MAD2L1: variants seen among roughly 807,000 people sequenced by gnomAD.
MAD2L1 encodes the protein mitotic arrest deficient 2 like 1, also known as mitotic spindle assembly checkpoint protein MAD2A.
MAD2L1 carries 10 observed loss-of-function variants against 25.9 expected under a neutral mutation model. The ratio of observed to expected loss-of-function variants is 0.39; its 90% CI spans 0.24 to 0.66. MAD2L1 has a LOEUF of 0.66. Ranked by LOEUF, MAD2L1 falls within the 30% of genes least tolerant of loss-of-function variation. MAD2L1 has a pLI of 0.49. For synonymous variants in MAD2L1, 81 were observed against 91.8 expected (o/e 0.88, Z 0.67); for missense variants, 180 against 246.4 (o/e 0.73, Z 1.80).
chr4:120,062,155 T>C lies in MAD2L1; in HGVS notation c.221-60A>G, dbSNP rs181018609. 116 of 1,521,808 alleles carry C rather than the reference T, an allele frequency of 7.6e-5. No homozygotes were observed. In the African/African-American group the frequency reaches 1.5e-3, roughly 20 times the overall value. 94.3% of individuals were successfully genotyped at this position (1,521,808 alleles called of 1,614,324 possible). A position where few individuals can be genotyped will look rare whatever the true frequency, so the allele number is the denominator to read the frequency against. ...TCCACTGCATCATAAAGTAGCTCTC[T>C]TCTCGGGTCCCACTCCCTATCCTCA... On this transcript the variant is annotated intron_variant, in intron 2 of 4. Transcript: ENST00000296509.
intron 4 of MAD2L1, among the ~76,000 whole-genome samples, chr4:120,060,570 G>A (rs1726196504): frequency 6.6e-6 from 1 of 151,988 alleles, no homozygotes; most frequent in Non-Finnish European, 1.5e-5. Flanking sequence ...TGTTATAATT[G>A]TTCCAGTTTA....
At position 120,059,868 on chromosome 4, in the gene MAD2L1, C is replaced by T. The variant is rs1368867102; in HGVS notation, c.*250G>A. On this transcript the variant is annotated 3_prime_UTR_variant, in exon 5 of 5. Transcript: ENST00000296509. ...ACTATCTTCAAAGGAATATACATCA[C>T]AATGTTGACAAAAAAACCTCCTGGT... 3.1e-6 allele frequency: 1 copy of T among 326,594 alleles called. No homozygotes were observed. Among genetic ancestry groups the T allele is most frequent in the Non-Finnish European group, 5.6e-6 (1 of 177,896 alleles). The allele number at this position is 326,594 out of a possible 1,614,324, so 20.2% of individuals were successfully genotyped here.
chr4:120,061,923 C>T (rs1014077445), intron 3 of MAD2L1, 52 bp downstream of exon 3: 3 of 1,371,232 alleles, frequency 2.2e-6, no homozygotes, highest in Non-Finnish European at 2.8e-6. Context: ...GTAATAAAAA[C>T]AAGTTTTGAA....
At chr4:120,066,518 C>T in intron 1 of MAD2L1, 144 bp downstream of exon 1, 1 of 667,180 alleles carries the variant, frequency 1.5e-6, no homozygotes, top group Non-Finnish European at 2.5e-6. Context: ...AGGCCTGCAG[C>T]TCCACGTTAG....
chr4:120,065,375 A>T (rs1726297257), intron 2 of MAD2L1: 2 of 250,652 alleles, frequency 8.0e-6, no homozygotes, highest in Admixed American at 9.7e-5. Flanking sequence ...CATTATAATT[A>T]TGTAAAATTC....
At chr4:120,064,099 G>T (rs767042287) in intron 2 of MAD2L1, among the ~76,000 whole-genome samples, 1 of 152,178 alleles carries the variant, frequency 6.6e-6, no homozygotes, top group Non-Finnish European at 1.5e-5. Context: ...AAGGTGAAAT[G>T]TCATTAACGC....
chr4:120,066,220 G>T (rs1262370914), intron 1 of MAD2L1, among the ~76,000 whole-genome samples: 2 of 152,002 alleles, frequency 1.3e-5, no homozygotes, highest in African/African-American at 4.8e-5. Context: ...CCCAAATCCT[G>T]CCAGGTTCCT....
Position 120,058,749 on chromosome 4 carries a change from T to G in MAD2L1, c.*1369A>C, listed in dbSNP as rs903604054. The G allele has an allele frequency of 6.6e-6, 1 of 152,204 alleles. No individual in the cohort carries two copies. Among genetic ancestry groups the G allele is most frequent in the South Asian group, 2.1e-4 (1 of 4,838 alleles). 9.4% of individuals were successfully genotyped at this position (152,204 alleles called of 1,614,324 possible). ...AGGTTGGTAACACCAGTGGTCCACT[T>G]ATTCCATAAAGATATGAAGAGTCTA... On this transcript the variant is annotated 3_prime_UTR_variant, in exon 5 of 5. Transcript: ENST00000296509.
rs751890672 is a variant in MAD2L1, at chr4:120,060,318, A to G, written c.446-28T>C. 2.6e-6 allele frequency: 4 copies of G among 1,533,224 alleles called. No individual in the cohort carries two copies. In the Admixed American group the frequency reaches 5.4e-5, roughly 21 times the overall value. The allele number at this position is 1,533,224 out of a possible 1,614,324, so 95.0% of individuals were successfully genotyped here. ...AAATTGGGGATAAGATCATTGAAGT[A>G]TATTATTTTCTAAAAGTAAAACTAA... is the stretch of plus-strand genomic sequence containing the variant. On this transcript the variant is annotated intron_variant, in intron 4 of 4. Transcript: ENST00000296509.
intron 2 of MAD2L1, among the ~76,000 whole-genome samples, chr4:120,064,183 A>C (rs1166315362): frequency 6.6e-6 from 1 of 152,166 alleles, no homozygotes; most frequent in Admixed American, 6.6e-5. Flanking sequence ...AGATAAAAAC[A>C]CACATCCATA....
chr4:120,058,320 T>C lies in MAD2L1; in HGVS notation c.*1798A>G, dbSNP rs940184424. The C allele has an allele frequency of 6.6e-6, 1 of 152,016 alleles. No homozygotes were observed. Among genetic ancestry groups the C allele is most frequent in the African/African-American group, 2.4e-5 (1 of 41,404 alleles). The allele number at this position is 152,016 out of a possible 1,614,324, so 9.4% of individuals were successfully genotyped here. ...GGTAGCTGAGTTGAAATGACCAGAG[T>C]ATACACACAACCTTTAAAAATGTGA... On this transcript the variant is annotated 3_prime_UTR_variant, in exon 5 of 5. Transcript: ENST00000296509.
In MAD2L1 at chr4:120,060,302, A is replaced by G; in HGVS notation, c.446-12T>C. 1 of 1,596,450 alleles carries G rather than the reference A, an allele frequency of 6.3e-7. No homozygotes were observed. On this transcript the variant is annotated splice_polypyrimidine_tract_variant and intron_variant, in intron 4 of 4. Transcript: ENST00000296509. The stretch of plus-strand genomic sequence containing the variant: ...CAGATCAAATGAACCTAAATTGGGG[A>G]TAAGATCATTGAAGTATATTATTTT...
At position 120,060,960 on chromosome 4, in the gene MAD2L1, G is replaced by C. The variant is rs150812263; in HGVS notation, c.359C>G (p.Ser120Cys). 1.9e-6 allele frequency: 3 copies of C among 1,607,480 alleles called. No individual in the cohort carries two copies. The East Asian group carries it at 6.7e-5, about 36-fold the overall frequency. ...GATTTCATCCTGGATAGCTTTCTGA[G>C]ACTTTTCTCTGGGTGCACTGTCAAA... ...AKDDSAPREK[S>C]QKAIQDEIRS... Residue 120 changes from serine to cysteine, a missense_variant, in exon 4 of 5, where the codon TCT becomes TGT. By Grantham distance (112) the Ser-to-Cys change is moderately radical. Coordinates refer to ENST00000296509, the MANE Select transcript of MAD2L1 (RefSeq NM_002358.4).
intron 2 of MAD2L1, among the ~76,000 whole-genome samples, chr4:120,062,967 G>A (rs1726250095): frequency 6.6e-6 from 1 of 152,196 alleles, no homozygotes; most frequent in Admixed American, 6.5e-5. Flanking sequence ...ATTGGGTTTA[G>A]TCACGATAGT....
chr4:120,059,949 A>G lies in MAD2L1; in HGVS notation c.*169T>C. The G allele has an allele frequency of 2.0e-6, 1 of 512,108 alleles. No homozygotes were observed. The highest frequency in any genetic ancestry group is 3.4e-6 in the Non-Finnish European group (1 of 295,724). 31.7% of individuals were successfully genotyped at this position (512,108 alleles called of 1,614,324 possible). On this transcript the variant is annotated 3_prime_UTR_variant, in exon 5 of 5. Coordinates refer to ENST00000296509, the MANE Select transcript of MAD2L1 (RefSeq NM_002358.4). ...ATGTTAACTCCATGGTAAGTCAAATAGGTACCAAAAAAATAAAAGGAACAA... is the reference window on the plus strand; with the variant it reads ...ATGTTAACTCCATGGTAAGTCAAATGGGTACCAAAAAAATAAAAGGAACAA...
chr4:120,066,582 G>C (rs1726325178), intron 1 of MAD2L1, 80 bp downstream of exon 1: 2 of 1,297,544 alleles, frequency 1.5e-6, no homozygotes. Context: ...TACTTCTCTG[G>C]TATCAGAGGC....
chr4:120,061,748 G>C (rs1221091650), intron 3 of MAD2L1, among the ~76,000 whole-genome samples: 1 of 151,864 alleles, frequency 6.6e-6, no homozygotes, highest in East Asian at 1.9e-4. Context: ...TACTGATTTA[G>C]ACTAAAGGCA....
intron 3 of MAD2L1, 155 bp from the exon 4 acceptor site, chr4:120,061,132 T>G (rs1726210377): frequency 1.8e-6 from 1 of 549,244 alleles, no homozygotes; most frequent in Non-Finnish European, 3.3e-6. Flanking sequence ...TGAGTGAAAG[T>G]ATCCTTCAGA....
At chr4:120,060,763 T>C (rs971284471) in intron 4 of MAD2L1, 111 bp downstream of exon 4, 4 of 653,222 alleles carry the variant, frequency 6.1e-6, no homozygotes, top group Non-Finnish European at 1.0e-5. Flanking sequence ...CTTCAATTTA[T>C]ATTACATAAA....
Sources: allele counts gnomAD v4.1 joint callset (sites outside exome capture counted in the v4.1 genomes callset), GRCh38; gene constraint gnomAD v4.1.1; transcripts MANE v1.5; gene names NCBI Gene and HGNC (gene_info 2026-07-23, HGNC 2026-07-21).